NAV2: variants seen among roughly 807,000 people sequenced by gnomAD.
NAV2 encodes helicase, APC down-regulated 1.
In NAV2, 54 loss-of-function variants were observed where a neutral mutation model predicts 223.2. That is an observed-to-expected ratio of 0.24 (90% CI 0.19 to 0.30). The LOEUF (loss-of-function observed/expected upper bound fraction) is 0.30, where lower values mean the gene tolerates loss of function less well. Ranked by LOEUF, NAV2 falls within the 10% of genes least tolerant of loss-of-function variation. The pLI is 1.00. For missense variants in NAV2, 2,806 were observed against 3,147.5 expected (o/e 0.89, Z 2.60); for synonymous variants, 1,279 against 1,239.3 (o/e 1.03, Z -0.67).
intron 11 of NAV2, among the ~76,000 whole-genome samples, chr11:19,985,408 G>A (rs964464132): frequency 3.3e-5 from 5 of 152,166 alleles, no homozygotes; most frequent in Admixed American, 2.0e-4. Flanking sequence ...TCCCCCCAGT[G>A]CCCAGGCTTG....
rs1565089091 is a variant in NAV2, at chr11:20,106,179, GTGTGTATATATATATATATATA to G, written c.6841+454_6841+475del. On this transcript the variant is annotated intron_variant, in intron 35 of 37. Coordinates refer to ENST00000349880, the MANE Select transcript of NAV2 (RefSeq NM_145117.5). ...TGTATATATATATATATATATATGT[GTGTGTATATATATATATATATA>G]TATATATATATATATATATATATAT... Among the ~76,000 whole-genome samples the G allele has an allele frequency of 6.1e-4, 9 of 14,708 alleles. 1 individual carries two copies. Among genetic ancestry groups the G allele is most frequent in the African/African-American group, 1.3e-3 (9 of 7,064 alleles). 9.6% of individuals were successfully genotyped at this position (14,708 alleles called of 152,430 possible).
intron 1 of NAV2, among the ~76,000 whole-genome samples, chr11:19,628,157 C>T (rs1565046): frequency 0.84 from 127,147 of 152,108 alleles, 56,210 homozygotes; most frequent in Non-Finnish European, 0.98. Context: ...TCCCTGGATG[C>T]TCCCCATCCG....
intron 1 of NAV2, among the ~76,000 whole-genome samples, chr11:19,461,834 T>C (rs1003435150): frequency 6.6e-6 from 1 of 152,198 alleles, no homozygotes; most frequent in African/African-American, 2.4e-5. Context: ...GATGTGTGTG[T>C]GTGGAAACTA....
intron 3 of NAV2, among the ~76,000 whole-genome samples, chr11:19,850,097 T>A (rs997455449): frequency 1.3e-5 from 2 of 152,218 alleles, no homozygotes; most frequent in African/African-American, 4.8e-5. Context: ...TGTATTTTCA[T>A]GCCTTTGTAC....
intron 26 of NAV2, among the ~76,000 whole-genome samples, chr11:20,083,604 G>C (rs2060228286): frequency 6.6e-6 from 1 of 152,170 alleles, no homozygotes; most frequent in East Asian, 1.9e-4. Flanking sequence ...GGTGTTCCAG[G>C]TCTAGAATTA....
chr11:19,631,778 A>T (rs2047354388), intron 1 of NAV2, among the ~76,000 whole-genome samples: 1 of 152,222 alleles, frequency 6.6e-6, no homozygotes, highest in Non-Finnish European at 1.5e-5. Flanking sequence ...CTCCATGGGC[A>T]TCATGCCTGG....
intron 22 of NAV2, among the ~76,000 whole-genome samples, chr11:20,073,182 A>T (rs1171229193): frequency 6.6e-6 from 1 of 152,098 alleles, no homozygotes; most frequent in Non-Finnish European, 1.5e-5. Context: ...TTCTGCATCT[A>T]TTGAGATAAT....
At chr11:20,008,219 T>C (rs557166528) in intron 11 of NAV2, among the ~76,000 whole-genome samples, 2 of 152,112 alleles carry the variant, frequency 1.3e-5, no homozygotes, top group South Asian at 2.1e-4. Flanking sequence ...ACACAAAAAT[T>C]AGCCAAGTGT....
intron 1 of NAV2, among the ~76,000 whole-genome samples, chr11:19,788,705 G>T (rs1467861990): frequency 6.6e-6 from 1 of 152,072 alleles, no homozygotes; most frequent in Non-Finnish European, 1.5e-5. Flanking sequence ...CCAGGCCCCG[G>T]CTGCACCATT....
At chr11:19,569,500 C>T (rs1465016430) in intron 1 of NAV2, among the ~76,000 whole-genome samples, 2 of 152,214 alleles carry the variant, frequency 1.3e-5, no homozygotes, top group African/African-American at 4.8e-5. Context: ...AATATTCCCA[C>T]ATTTGATTCC....
chr11:19,821,519 T>C (rs1199647542), intron 1 of NAV2, among the ~76,000 whole-genome samples: 1 of 152,222 alleles, frequency 6.6e-6, no homozygotes, highest in Non-Finnish European at 1.5e-5. Context: ...TTCACAGGCA[T>C]GACCCAGTGT....
At chr11:19,664,571 C>A (rs981485408) in intron 1 of NAV2, among the ~76,000 whole-genome samples, 1 of 152,154 alleles carries the variant, frequency 6.6e-6, no homozygotes, top group Non-Finnish European at 1.5e-5. Context: ...ACATGAGTTT[C>A]CCAGAAAAGG....
chr11:19,828,103 T>A (rs1240910007), intron 1 of NAV2, among the ~76,000 whole-genome samples: 2 of 152,140 alleles, frequency 1.3e-5, no homozygotes, highest in African/African-American at 4.8e-5. Flanking sequence ...GCAGTGAGCT[T>A]TGATTACCCC....
intron 1 of NAV2, among the ~76,000 whole-genome samples, chr11:19,576,320 T>A (rs1458912707): frequency 6.6e-6 from 1 of 152,234 alleles, no homozygotes; most frequent in East Asian, 1.9e-4. Context: ...ATAGAGAGGC[T>A]TTCAGCTGAA....
intron 1 of NAV2, among the ~76,000 whole-genome samples, chr11:19,512,660 A>C (rs1490498583): frequency 6.6e-6 from 1 of 152,232 alleles, no homozygotes; most frequent in East Asian, 1.9e-4. Flanking sequence ...GACCAGGTGG[A>C]AGCCACTTTC....
intron 31 of NAV2, 111 bp from the exon 32 acceptor site, chr11:20,100,826 G>A (rs2061589792): frequency 2.4e-6 from 2 of 828,550 alleles, no homozygotes; most frequent in African/African-American, 3.4e-5. Context: ...TCAGGTGAGT[G>A]GACTGCCGAG....
chr11:19,838,406 C>T (rs528168099), intron 2 of NAV2, among the ~76,000 whole-genome samples: 1 of 152,082 alleles, frequency 6.6e-6, no homozygotes, highest in Non-Finnish European at 1.5e-5. Context: ...GTGAGACAGG[C>T]AAAGCAGTCA....
intron 1 of NAV2, among the ~76,000 whole-genome samples, chr11:19,720,791 G>A (rs1401172371): frequency 1.3e-5 from 2 of 152,162 alleles, no homozygotes; most frequent in African/African-American, 4.8e-5. Context: ...AAGAGAACTG[G>A]AAATGACCAC....
chr11:19,628,375 G>A (rs969513234), intron 1 of NAV2, among the ~76,000 whole-genome samples: 21 of 152,236 alleles, frequency 1.4e-4, no homozygotes, highest in Admixed American at 5.2e-4. Context: ...GCCCTGTGAG[G>A]AGGAAGACAC....
Sources: gnomAD v4.1 joint callset for allele counts (sites outside exome capture counted in the v4.1 genomes callset) on GRCh38, gnomAD v4.1.1 for gene constraint, MANE v1.5 for transcripts, NCBI Gene and HGNC (gene_info 2026-07-23, HGNC 2026-07-21) for gene names.